The following COL9A2 variants were observed in gnomAD, a reference collection of about 807,000 sequenced individuals.
COL9A2 encodes collagen type IX alpha 2 chain.
COL9A2 carries 66 observed loss-of-function variants against 111.6 expected under a neutral mutation model. The observed-to-expected ratio is 0.59, with a 90% CI of 0.48 to 0.73. COL9A2 has a LOEUF of 0.73. COL9A2 is among the 30% of genes least tolerant of loss of function. The pLI is 0.00. For synonymous variants in COL9A2, 353 were observed against 364.1 expected, an observed-to-expected ratio of 0.97 and a Z score of 0.35; for missense variants, 881 against 954.1, an observed-to-expected ratio of 0.92 and a Z score of 1.01.
At chr1:40,306,978 G>A (rs1009949933) in intron 19 of COL9A2, among the ~76,000 whole-genome samples, 1 of 151,866 alleles carries the variant, frequency 6.6e-6, no homozygotes, top group Non-Finnish European at 1.5e-5. Context: ...CTGAGTAGCT[G>A]AGATTACAGG....
chr1:40,312,628 A>G lies in COL9A2; in HGVS notation c.304-19T>C. The G allele has an allele frequency of 6.2e-7, 1 of 1,613,494 alleles. No individual in the cohort carries two copies. The highest frequency in any genetic ancestry group is 1.1e-5 in the South Asian group (1 of 90,902). On this transcript the variant is annotated intron_variant, in intron 5 of 31. Coordinates refer to ENST00000372748, the MANE Select transcript of COL9A2 (RefSeq NM_001852.4). This position sits in a 1 kb window ranked among gnomAD's most constrained non-coding sequence, Gnocchi z 6.0. ...GCTGGCCCTGCAGAAGCAACGAGAA[A>G]GGCTCAGAGGCTGGGGTTTCCCCGG...
rs1337865727 is a variant in COL9A2, at chr1:40,302,726, G to A, written c.1687C>T (p.Pro563Ser). The A allele has an allele frequency of 1.3e-6, 2 of 1,509,094 alleles. No individual in the cohort carries two copies. Among genetic ancestry groups the A allele is most frequent in the East Asian group, 2.7e-5 (1 of 36,456 alleles). 93.5% of individuals were successfully genotyped at this position (1,509,094 alleles called of 1,614,324 possible). Residue 563 changes from proline to serine, a missense_variant, in exon 30 of 32, where the codon CCC becomes TCC. Physicochemically the swap from Pro to Ser is moderately conservative, Grantham distance 74 (BLOSUM62 -1). Coordinates refer to ENST00000372748, the MANE Select transcript of COL9A2 (RefSeq NM_001852.4). This position sits in a 1 kb window ranked among gnomAD's most constrained non-coding sequence, Gnocchi z 4.5. ...CCCTGCTTGCCTGGGTACCCAGGGG[G>A]CCCAGGAGGTCCTGGAGGACCCATC... is the stretch of plus-strand genomic sequence containing the variant. ...GMMGPPGPPG[P>S]PGYPGKQGPH...
rs543307469 is a variant in COL9A2 at position 40,316,978 on chromosome 1, C to T, written c.75+145G>A. On this transcript the variant is annotated intron_variant, in intron 1 of 31. Transcript: ENST00000372748. This position sits in a 1 kb window ranked among gnomAD's most constrained non-coding sequence, Gnocchi z 5.5. Reference sequence around the variant, plus strand: ...CGATGGGCACCATGTATGCACCCACCGAGGGGACCTGCCCGCGGCGCTGTC... The same window carrying T: ...CGATGGGCACCATGTATGCACCCACTGAGGGGACCTGCCCGCGGCGCTGTC... The T allele has an allele frequency of 1.1e-5, 9 of 803,118 alleles. No homozygotes were observed. The highest frequency in any genetic ancestry group is 2.0e-5 in the Admixed American group (1 of 49,942). 49.7% of individuals were successfully genotyped at this position (803,118 alleles called of 1,614,324 possible).
Position 40,307,683 on chromosome 1 carries a change from A to T in COL9A2, c.954+20T>A. 1 of 1,614,012 alleles carries T rather than the reference A, an allele frequency of 6.2e-7. No homozygotes were observed. The highest frequency in any genetic ancestry group is 1.1e-5 in the South Asian group (1 of 91,040). On this transcript the variant is annotated intron_variant, in intron 18 of 31. Coordinates refer to ENST00000372748, the MANE Select transcript of COL9A2 (RefSeq NM_001852.4). The surrounding 1 kb of genome is among the most constrained non-coding windows in gnomAD (Gnocchi z 4.8). Reference sequence around the variant, plus strand: ...AAGGTCCTGCCCCTGCCCCAGTCCCATCAGCAGCCCCACTCCTACCTTCAT... The same window carrying T: ...AAGGTCCTGCCCCTGCCCCAGTCCCTTCAGCAGCCCCACTCCTACCTTCAT...
chr1:40,312,848 G>T lies in COL9A2; in HGVS notation c.250-64C>A. ...CCTGCTCCCTGACCCACAGAGCAGG[G>T]CAGGTTCAAGGGTCCCTCCTGGGTG... On this transcript the variant is annotated intron_variant, in intron 4 of 31. Coordinates refer to ENST00000372748, the MANE Select transcript of COL9A2 (RefSeq NM_001852.4). This position sits in a 1 kb window ranked among gnomAD's most constrained non-coding sequence, Gnocchi z 6.0. 6.8e-7 allele frequency: 1 copy of T among 1,466,532 alleles called. No individual in the cohort carries two copies. Among genetic ancestry groups the T allele is most frequent in the Non-Finnish European group, 9.3e-7 (1 of 1,071,808 alleles). 90.8% of individuals were successfully genotyped at this position (1,466,532 alleles called of 1,614,324 possible).
At position 40,311,463 on chromosome 1, in the gene COL9A2, C is replaced by A; in HGVS notation, c.519+37G>T. On this transcript the variant is annotated intron_variant, in intron 10 of 31. Transcript: ENST00000372748. This position sits in a 1 kb window ranked among gnomAD's most constrained non-coding sequence, Gnocchi z 5.1. ...GCCTCCCCATCTCTGTGGCCCCGCC[C>A]CCCTGTGTTAGCCCCGCCCCAGACC... The A allele has an allele frequency of 6.3e-7, 1 of 1,594,422 alleles. No individual in the cohort carries two copies. The highest frequency in any genetic ancestry group is 1.1e-5 in the South Asian group (1 of 90,718).
chr1:40,301,699 C>T (rs1440880654), intron 31 of COL9A2, 113 bp downstream of exon 31: 1 of 1,042,990 alleles, frequency 9.6e-7, no homozygotes, highest in Non-Finnish European at 1.4e-6. Flanking sequence ...AGCTGGGTAT[C>T]AAGGACTGAG....
intron 20 of COL9A2, 131 bp downstream of exon 20, chr1:40,306,012 G>T: frequency 9.7e-7 from 1 of 1,033,408 alleles, no homozygotes; most frequent in East Asian, 2.4e-5. Context: ...GGTGGCAGGA[G>T]GGAGGTGGTT....
In COL9A2 at chr1:40,316,879, C is replaced by T. The variant is rs370034631; in HGVS notation, c.75+244G>A. ...CCAGCTCCTGCCCCACGCTGCCTGTCCCGGGCCGGGCCGCGCGTCTGGGGA... is the reference window on the plus strand; with the variant it reads ...CCAGCTCCTGCCCCACGCTGCCTGTTCCGGGCCGGGCCGCGCGTCTGGGGA... On this transcript the variant is annotated intron_variant, in intron 1 of 31. Coordinates refer to ENST00000372748, the MANE Select transcript of COL9A2 (RefSeq NM_001852.4). The surrounding 1 kb of genome is among the most constrained non-coding windows in gnomAD (Gnocchi z 5.5). 1.3e-3 allele frequency among the ~76,000 whole-genome samples: 195 copies of T among 152,312 alleles called. 5 individuals are homozygous for T. In the South Asian group the frequency reaches 0.04, roughly 31 times the overall value.
At chr1:40,301,752 ACACGTCATT>A in intron 31 of COL9A2, 51 bp downstream of exon 31, 1 of 1,521,246 alleles carries the variant, frequency 6.6e-7, no homozygotes, top group Non-Finnish European at 9.1e-7. Context: ...CGCAGTGTCC[ACACGTCATT>A]AATTCCCAAG....
rs756778593 is a variant in COL9A2, at chr1:40,315,666, T to A, written c.76-2A>T. On this transcript the variant is annotated splice_acceptor_variant, in intron 1 of 31. Coordinates refer to ENST00000372748, the MANE Select transcript of COL9A2 (RefSeq NM_001852.4). LOFTEE classifies it high-confidence loss of function. Reference sequence around the variant, plus strand: ...GCCCCGCTCTCCCGGTGGACCTCTCTGAAAAACACACACGGGGTGGGGCAG... The same window carrying A: ...GCCCCGCTCTCCCGGTGGACCTCTCAGAAAAACACACACGGGGTGGGGCAG... 1 of 1,552,112 alleles carries A rather than the reference T, an allele frequency of 6.4e-7. No homozygotes were observed. The highest frequency in any genetic ancestry group is 2.4e-5 in the East Asian group (1 of 41,628).
In COL9A2 at chr1:40,304,229, T is replaced by G. The variant is rs182438172; in HGVS notation, c.1287+91A>C. The G allele has an allele frequency of 6.5e-6, 10 of 1,528,998 alleles. No homozygotes were observed. The South Asian group carries it at 7.2e-5, about 11-fold the overall frequency. 94.7% of individuals were successfully genotyped at this position (1,528,998 alleles called of 1,614,324 possible). ...GACCAGAACCCTGAGATCCGCAGGT[T>G]TGGAGGCTCCGGAAGGATCTGAGTC... On this transcript the variant is annotated intron_variant, in intron 24 of 31. Coordinates refer to ENST00000372748, the MANE Select transcript of COL9A2 (RefSeq NM_001852.4).
chr1:40,315,333 C>T (rs1644200599), intron 2 of COL9A2: 18 of 1,337,944 alleles, frequency 1.3e-5, no homozygotes, highest in South Asian at 1.8e-5. Context: ...GATGAGGCCT[C>T]GCTGTGAGCT....
intron 21 of COL9A2, chr1:40,305,079 T>C: frequency 4.7e-6 from 2 of 429,876 alleles, no homozygotes. Context: ...TTTTTTTTTT[T>C]TTTTTTGAGA....
chr1:40,306,727 T>TG (rs1425223101), intron 19 of COL9A2, among the ~76,000 whole-genome samples: 1 of 152,158 alleles, frequency 6.6e-6, no homozygotes, highest in Admixed American at 6.6e-5. Flanking sequence ...AGGGGCAGGT[T>TG]GGGGTCAGAT....
intron 4 of COL9A2, among the ~76,000 whole-genome samples, chr1:40,313,987 C>A (rs533940434): frequency 6.6e-6 from 1 of 152,290 alleles, no homozygotes; most frequent in East Asian, 1.9e-4. Flanking sequence ...AGAAAGCAGA[C>A]CCTCTCTCTG....
At chr1:40,309,842 C>T in intron 16 of COL9A2, 96 bp downstream of exon 16, 1 of 1,199,218 alleles carries the variant, frequency 8.3e-7, no homozygotes, top group Non-Finnish European at 1.2e-6. Context: ...CACGCACACA[C>T]TCATGCACTC....
intron 4 of COL9A2, among the ~76,000 whole-genome samples, chr1:40,313,080 A>G (rs1020718125): frequency 1.3e-5 from 2 of 152,192 alleles, no homozygotes; most frequent in Admixed American, 1.3e-4. Flanking sequence ...AGACCTAGCC[A>G]TGGGTCAAGA....
chr1:40,307,494 A>G lies in COL9A2; in HGVS notation c.960T>C (p.Ser320=), dbSNP rs1447782279. Residue 320 remains serine (S), a synonymous_variant, in exon 19 of 32, where the codon AGT becomes AGC. Coordinates refer to ENST00000372748, the MANE Select transcript of COL9A2 (RefSeq NM_001852.4). This position sits in a 1 kb window ranked among gnomAD's most constrained non-coding sequence, Gnocchi z 4.8. ...GTPGTPGMKG[S]AGQAGQPGSP... is the part of the protein sequence containing the mutation. ...TTCCGGGCTGTCCCGCCTGTCCTGC[A>G]CTGCCCTGGGATAGACAGATAACCA... 1 of 1,614,176 alleles carries G rather than the reference A, an allele frequency of 6.2e-7. No homozygotes were observed.
Sources: allele counts gnomAD v4.1 joint callset (sites outside exome capture counted in the v4.1 genomes callset), GRCh38; gene constraint gnomAD v4.1.1; non-coding constraint Gnocchi (gnomAD v3.1); transcripts MANE v1.5; gene names NCBI Gene and HGNC (gene_info 2026-07-23, HGNC 2026-07-21).